The following TRPC6 variants were observed in gnomAD, a reference collection of about 807,000 sequenced individuals.
TRPC6 encodes the protein transient receptor potential cation channel subfamily C member 6, also known as short transient receptor potential channel 6.
In TRPC6, 55 loss-of-function variants were observed where a neutral mutation model predicts 90.7. The ratio of observed to expected loss-of-function variants is 0.61; its 90% CI spans 0.49 to 0.76. TRPC6 has a LOEUF of 0.76. Ranked by LOEUF, TRPC6 falls within the 30% of genes least tolerant of loss-of-function variation. The pLI is 0.00. For missense variants in TRPC6, 989 were observed against 1,122.7 expected (o/e 0.88, Z 1.70); for synonymous variants, 393 against 393.0 (o/e 1.00, Z 0.00).
At position 101,478,438 on chromosome 11, in the gene TRPC6, G is replaced by A. The variant is rs77536463; in HGVS notation, c.1511-1904C>T. On this transcript the variant is annotated intron_variant, in intron 5 of 12. Coordinates refer to ENST00000344327, the MANE Select transcript of TRPC6 (RefSeq NM_004621.6). Reference sequence around the variant, plus strand: ...GAGTAACAAGCATGGGGACTAAAGGGACATTTGAACTCATGCAGTCTAGTT... The same window carrying A: ...GAGTAACAAGCATGGGGACTAAAGGAACATTTGAACTCATGCAGTCTAGTT... 1.1e-3 allele frequency among the ~76,000 whole-genome samples: 168 copies of A among 152,136 alleles called. 1 individual carries two copies. The East Asian group carries it at 0.017, about 16-fold the overall frequency.
Position 101,583,473 on chromosome 11 carries a change from T to C in TRPC6, c.31A>G (p.Arg11Gly). The change falls in exon 1 of 13, where the codon AGG becomes GGG. Residue 11 changes from arginine to glycine, a missense_variant. Coordinates refer to ENST00000344327, the MANE Select transcript of TRPC6 (RefSeq NM_004621.6). MSQSPAFGPR[R>G]GSSPRGAAGA... ...GCAGCGCCCCGGGGAGAACTGCCCC[T>C]CCGGGGCCCGAACGCCGGGCTCTGG... is the stretch of plus-strand genomic sequence containing the variant. The C allele has an allele frequency of 1.3e-6, 2 of 1,516,346 alleles. No individual in the cohort carries two copies. The highest frequency in any genetic ancestry group is 1.8e-6 in the Non-Finnish European group (2 of 1,130,106). The allele number at this position is 1,516,346 out of a possible 1,614,324, so 93.9% of individuals were successfully genotyped here.
At chr11:101,554,286 G>A (rs1405698171) in intron 1 of TRPC6, among the ~76,000 whole-genome samples, 1 of 152,102 alleles carries the variant, frequency 6.6e-6, no homozygotes, top group African/African-American at 2.4e-5. Flanking sequence ...TAAGAGGCCA[G>A]TAGTAGAGAA....
chr11:101,548,040 A>G lies in TRPC6; in HGVS notation c.170+35294T>C, dbSNP rs1861349797. On this transcript the variant is annotated intron_variant, in intron 1 of 12. Transcript: ENST00000344327. ...TATGACTTTAAGATTCCTTAAGGTT[A>G]TTGAGAGTATGGAAGTCTTGCCATG... 2.6e-5 allele frequency among the ~76,000 whole-genome samples: 4 copies of G among 152,124 alleles called. No homozygotes were observed. In the South Asian group the frequency reaches 8.3e-4, roughly 32 times the overall value.
chr11:101,558,420 CACATATCTACATATATACATAT>C lies in TRPC6; in HGVS notation c.170+24892_170+24913del, dbSNP rs1228957862. Among the ~76,000 whole-genome samples the C allele has an allele frequency of 3.2e-5, 4 of 124,176 alleles. 1 individual carries two copies. In the East Asian group the frequency reaches 2.1e-3, roughly 66 times the overall value. 81.5% of individuals were successfully genotyped at this position (124,176 alleles called of 152,430 possible). A position where few individuals can be genotyped will look rare whatever the true frequency, so the allele number is the denominator to read the frequency against. ...ATATACACACACACATATACACACA[CACATATCTACATATATACATAT>C]ATATACACACGCACACATACACACA... On this transcript the variant is annotated intron_variant, in intron 1 of 12. Coordinates refer to ENST00000344327, the MANE Select transcript of TRPC6 (RefSeq NM_004621.6).
intron 1 of TRPC6, among the ~76,000 whole-genome samples, chr11:101,581,130 A>G (rs959556438): frequency 2.6e-5 from 4 of 152,234 alleles, no homozygotes; most frequent in African/African-American, 9.6e-5. Flanking sequence ...AGTACCTCTG[A>G]CATCACGCAG....
chr11:101,581,765 G>A (rs1270391621), intron 1 of TRPC6, among the ~76,000 whole-genome samples: 3 of 152,070 alleles, frequency 2.0e-5, no homozygotes, highest in African/African-American at 7.2e-5. Context: ...TTGCTATTCA[G>A]AGGGTGGTCC....
At chr11:101,461,631 T>A (rs973839769) in intron 10 of TRPC6, among the ~76,000 whole-genome samples, 1 of 152,222 alleles carries the variant, frequency 6.6e-6, no homozygotes, top group African/African-American at 2.4e-5. Context: ...GTAAGCTATT[T>A]CATATTCTTT....
At chr11:101,466,102 G>T (rs1489619618) in intron 10 of TRPC6, among the ~76,000 whole-genome samples, 2 of 152,214 alleles carry the variant, frequency 1.3e-5, no homozygotes, top group African/African-American at 4.8e-5. Flanking sequence ...ACCAGCAGAG[G>T]CTGCAGAACA....
chr11:101,520,777 G>A (rs762255528), intron 1 of TRPC6, among the ~76,000 whole-genome samples: 32 of 151,888 alleles, frequency 2.1e-4, no homozygotes, highest in Middle Eastern at 3.4e-3. Flanking sequence ...TTTGCTATGC[G>A]TTTGCAAAGA....
At chr11:101,541,518 C>T (rs1308103096) in intron 1 of TRPC6, among the ~76,000 whole-genome samples, 1 of 95,556 alleles carries the variant, frequency 1.0e-5, no homozygotes, top group Non-Finnish European at 2.5e-5. Flanking sequence ...CCTGCCACCA[C>T]GCCCGGGTAA....
chr11:101,520,473 C>T (rs955648441), intron 1 of TRPC6, among the ~76,000 whole-genome samples: 6 of 152,018 alleles, frequency 3.9e-5, no homozygotes, highest in Admixed American at 3.9e-4. Flanking sequence ...TATAAAGATA[C>T]CTAAAACTGT....
intron 1 of TRPC6, among the ~76,000 whole-genome samples, chr11:101,509,477 T>C (rs1860349953): frequency 6.6e-6 from 1 of 152,176 alleles, no homozygotes; most frequent in Non-Finnish European, 1.5e-5. Flanking sequence ...GTTTACAAAA[T>C]TTTATTTTTT....
At chr11:101,579,427 G>A (rs1862143721) in intron 1 of TRPC6, among the ~76,000 whole-genome samples, 1 of 152,046 alleles carries the variant, frequency 6.6e-6, no homozygotes, top group Non-Finnish European at 1.5e-5. Context: ...CTCACTCATG[G>A]TCGATTGAGT....
intron 2 of TRPC6, among the ~76,000 whole-genome samples, chr11:101,501,404 A>T (rs1304714765): frequency 1.3e-5 from 2 of 152,088 alleles, no homozygotes; most frequent in Non-Finnish European, 2.9e-5. Context: ...GCTATATATT[A>T]CTTTAAAGTA....
At chr11:101,511,801 G>A (rs1040639504) in intron 1 of TRPC6, among the ~76,000 whole-genome samples, 20 of 152,156 alleles carry the variant, frequency 1.3e-4, no homozygotes, top group Admixed American at 1.1e-3. Context: ...AGATCGGCCT[G>A]GCCAACATGG....
At chr11:101,472,004 T>G in intron 8 of TRPC6, 133 bp downstream of exon 8, 1 of 917,448 alleles carries the variant, frequency 1.1e-6, no homozygotes, top group East Asian at 2.5e-5. Context: ...AGATTACTGG[T>G]CAAACGAGTG....
chr11:101,538,473 G>A (rs569587136), intron 1 of TRPC6, among the ~76,000 whole-genome samples: 55 of 152,058 alleles, frequency 3.6e-4, no homozygotes, highest in Non-Finnish European at 6.9e-4. Context: ...ACCAAATCCT[G>A]TGTGGGAGGC....
chr11:101,548,250 C>CATATATATATAT (rs1491446189), intron 1 of TRPC6, among the ~76,000 whole-genome samples: 1 of 56,146 alleles, frequency 1.8e-5, no homozygotes, highest in African/African-American at 8.5e-5. Flanking sequence ...AGAACTAGAT[C>CATATATATATAT]ATATATATAT....
chr11:101,569,566 T>C (rs1305283294), intron 1 of TRPC6, among the ~76,000 whole-genome samples: 1 of 152,160 alleles, frequency 6.6e-6, no homozygotes, highest in Non-Finnish European at 1.5e-5. Flanking sequence ...AGAATATACA[T>C]TCTTCTCAGC....
Sources: allele counts gnomAD v4.1 joint callset (sites outside exome capture counted in the v4.1 genomes callset), GRCh38; gene constraint gnomAD v4.1.1; transcripts MANE v1.5; gene names NCBI Gene and HGNC (gene_info 2026-07-23, HGNC 2026-07-21).